FAM81A: variants seen among roughly 807,000 people sequenced by gnomAD.
The protein encoded by FAM81A is family with sequence similarity 81 member A.
Under a neutral mutation model 46.7 loss-of-function variants are expected in FAM81A, and 19 were observed. That is an observed-to-expected ratio of 0.41 (90% CI 0.28 to 0.60). The LOEUF (loss-of-function observed/expected upper bound fraction) is 0.60, where lower values mean the gene tolerates loss of function less well. Among genes scored for constraint, FAM81A ranks in the 20% least tolerant of loss-of-function variants. The probability of loss-of-function intolerance (pLI) is 0.34; values close to 1 mark genes in which losing one functional copy is unlikely to be tolerated. For synonymous variants in FAM81A, 183 were observed against 152.9 expected (o/e 1.20, Z -1.45); for missense variants, 377 against 453.5 (o/e 0.83, Z 1.53).
intron 4 of FAM81A, among the ~76,000 whole-genome samples, chr15:59,503,308 A>G (rs1379018003): frequency 1.3e-5 from 2 of 151,974 alleles, no homozygotes; most frequent in Non-Finnish European, 2.9e-5. Context: ...ACTAATGTTA[A>G]CAGTCTGTTG....
chr15:59,497,190 G>A (rs1567070367), intron 4 of FAM81A, among the ~76,000 whole-genome samples: 2 of 151,818 alleles, frequency 1.3e-5, no homozygotes, highest in African/African-American at 2.4e-5. Flanking sequence ...GCTCACGCCT[G>A]TAATCCCAGC....
At chr15:59,456,351 C>A (rs182470133) in intron 1 of FAM81A, among the ~76,000 whole-genome samples, 2 of 151,778 alleles carry the variant, frequency 1.3e-5, no homozygotes, top group African/African-American at 4.8e-5. Context: ...AATATGAGGG[C>A]GGAAGAACAG....
At chr15:59,408,810 C>T (rs1382977513) in intron 2 of FAM81A, 1 of 152,036 alleles carries the variant, frequency 6.6e-6, no homozygotes, top group Admixed American at 6.6e-5. Context: ...GCCTGGGCGA[C>T]AAGAGTGAAA....
intron 2 of FAM81A, among the ~76,000 whole-genome samples, chr15:59,424,125 T>C (rs1430275543): frequency 6.6e-6 from 1 of 152,222 alleles, no homozygotes; most frequent in East Asian, 1.9e-4. Flanking sequence ...AGTGACCTCC[T>C]TGTTGCCACG....
At position 59,521,393 on chromosome 15, in the gene FAM81A, A is replaced by C; in HGVS notation, c.*15A>C. ...CCCCCATGTGAAGGGAGCTGGGACA[A>C]GGTCCTAAAAGACAGTTTTGCCAGT... On this transcript the variant is annotated 3_prime_UTR_variant, in exon 9 of 9. Transcript: ENST00000288228. 1 of 1,590,136 alleles carries C rather than the reference A, an allele frequency of 6.3e-7. No homozygotes were observed. Among genetic ancestry groups the C allele is most frequent in the East Asian group, 2.3e-5 (1 of 44,178 alleles).
intron 3 of FAM81A, among the ~76,000 whole-genome samples, chr15:59,489,805 A>T (rs1385467189): frequency 6.6e-6 from 1 of 152,228 alleles, no homozygotes; most frequent in Non-Finnish European, 1.5e-5. Flanking sequence ...TGCAATGGGG[A>T]AATGACAGTC....
chr15:59,471,470 T>A (rs2081688741), intron 3 of FAM81A, among the ~76,000 whole-genome samples: 1 of 152,102 alleles, frequency 6.6e-6, no homozygotes, highest in Non-Finnish European at 1.5e-5. Flanking sequence ...TAATTCATGT[T>A]CTTTTTTTTC....
intron 4 of FAM81A, among the ~76,000 whole-genome samples, chr15:59,499,836 A>G (rs372646249): frequency 6.7e-6 from 1 of 148,688 alleles, no homozygotes; most frequent in Non-Finnish European, 1.5e-5. Context: ...GCTTTCAAAT[A>G]TTTCTATGTC....
At chr15:59,406,819 G>A (rs1405459417) in intron 2 of FAM81A, 1 of 151,556 alleles carries the variant, frequency 6.6e-6, no homozygotes, top group Non-Finnish European at 1.5e-5. Context: ...GTTCAGAGGT[G>A]TGCACTGGCT....
rs1337972753 is a variant in FAM81A at position 59,427,286 on chromosome 15, T to G, written c.-78+24928T>G. ...CCACCAAGCCCAGCTAATTTTTGTATTTTTAGTAGAGACGGGGTTTCTCCA... is the reference window on the plus strand; with the variant it reads ...CCACCAAGCCCAGCTAATTTTTGTAGTTTTAGTAGAGACGGGGTTTCTCCA... On this transcript the variant is annotated intron_variant, in intron 2 of 4. Transcript: ENST00000558348. Among the ~76,000 whole-genome samples the G allele has an allele frequency of 3.3e-5, 5 of 152,160 alleles. No homozygotes were observed. In the East Asian group the frequency reaches 9.6e-4, roughly 29 times the overall value.
intron 4 of FAM81A, among the ~76,000 whole-genome samples, chr15:59,496,187 T>C (rs565861636): frequency 1.3e-5 from 2 of 152,316 alleles, no homozygotes; most frequent in African/African-American, 4.8e-5. Flanking sequence ...AGTTAATTTT[T>C]TTGTATATAG....
chr15:59,462,335 A>T lies in FAM81A; in HGVS notation c.294+2129A>T, dbSNP rs184936760. Among the ~76,000 whole-genome samples, 12 of 151,956 alleles carry T rather than the reference A, an allele frequency of 7.9e-5. No individual in the cohort carries two copies. In the East Asian group the frequency reaches 2.3e-3, roughly 29 times the overall value. ...ATACTTGGCATTATCTTTTTTTATT[A>T]TAGTCATTCTAATGGATGTGTAGTG... On this transcript the variant is annotated intron_variant, in intron 3 of 8. Coordinates refer to ENST00000288228, the MANE Select transcript of FAM81A (RefSeq NM_152450.3).
At chr15:59,421,450 G>A (rs55904855) in intron 2 of FAM81A, among the ~76,000 whole-genome samples, 23,508 of 152,066 alleles carry the variant, frequency 0.15, 2,325 homozygotes, top group South Asian at 0.27. Context: ...TATATACGAC[G>A]GGCTGGGAGC....
At chr15:59,486,475 T>C (rs928811262) in intron 3 of FAM81A, among the ~76,000 whole-genome samples, 1 of 151,904 alleles carries the variant, frequency 6.6e-6, no homozygotes, top group South Asian at 2.1e-4. Flanking sequence ...AGAAAGTTTA[T>C]CAAAAGGGAT....
At chr15:59,434,370 A>G (rs569766308), upstream of FAM81A, among the ~76,000 whole-genome samples, 3 of 151,834 alleles carry the variant, frequency 2.0e-5, no homozygotes, top group East Asian at 1.9e-4. Context: ...CCTTCTTTAC[A>G]CTGCCGAACT....
chr15:59,477,173 TC>T (rs1386761145), intron 3 of FAM81A, among the ~76,000 whole-genome samples: 2 of 151,636 alleles, frequency 1.3e-5, no homozygotes, highest in African/African-American at 4.8e-5. Flanking sequence ...CAAAATAACC[TC>T]ATACTTGTAG....
intron 3 of FAM81A, among the ~76,000 whole-genome samples, chr15:59,462,838 C>T (rs1368481510): frequency 6.6e-6 from 1 of 152,120 alleles, no homozygotes; most frequent in Non-Finnish European, 1.5e-5. Flanking sequence ...TAGCATGTAT[C>T]AGAATTCATT....
chr15:59,518,080 C>T (rs2141847325), intron 8 of FAM81A, among the ~76,000 whole-genome samples: 1 of 151,206 alleles, frequency 6.6e-6, no homozygotes, highest in East Asian at 1.9e-4. Context: ...ACAAGCGATT[C>T]TCCTGCCTCA....
At chr15:59,511,090 C>T (rs150871964) in intron 6 of FAM81A, among the ~76,000 whole-genome samples, 2,916 of 151,872 alleles carry the variant, frequency 0.019, 43 homozygotes, top group Non-Finnish European at 0.029. Flanking sequence ...AGCGAGACTC[C>T]ATCTCAAAAA....
Sources: allele counts gnomAD v4.1 joint callset (sites outside exome capture counted in the v4.1 genomes callset), GRCh38; gene constraint gnomAD v4.1.1; transcripts MANE v1.5; gene names NCBI Gene and HGNC (gene_info 2026-07-23, HGNC 2026-07-21).